RBM33: variants seen among roughly 807,000 people sequenced by gnomAD.
The protein encoded by RBM33 is RNA binding motif protein 33.
RBM33 carries 28 observed loss-of-function variants against 132.6 expected under a neutral mutation model. That is an observed-to-expected ratio of 0.21 (90% CI 0.16 to 0.29). RBM33 has a LOEUF of 0.29. RBM33 is among the 10% of genes least tolerant of loss of function. RBM33 has a pLI of 1.00. For missense variants in RBM33, 1,291 were observed against 1,518.5 expected (o/e 0.85, Z 2.49); for synonymous variants, 634 against 593.0 (o/e 1.07, Z -1.01).
At chr7:155,723,528 A>G (rs1360201470) in intron 9 of RBM33, among the ~76,000 whole-genome samples, 1 of 152,240 alleles carries the variant, frequency 6.6e-6, no homozygotes, top group South Asian at 2.1e-4. Context: ...ATTACCATAC[A>G]TTATCATACC....
chr7:155,696,645 A>G (rs1396920335), intron 5 of RBM33, among the ~76,000 whole-genome samples: 3 of 152,128 alleles, frequency 2.0e-5, no homozygotes, highest in East Asian at 1.9e-4. Context: ...TTTTGCATCT[A>G]TTGAGATAAT....
intron 1 of RBM33, among the ~76,000 whole-genome samples, chr7:155,660,143 G>A (rs1342527613): frequency 1.3e-5 from 2 of 152,164 alleles, no homozygotes. Flanking sequence ...AGTCATAGCT[G>A]ACTGACTACA....
At chr7:155,655,534 C>CTTTTTTTTTTTTT (rs756948005) in intron 1 of RBM33, among the ~76,000 whole-genome samples, 13 of 80,112 alleles carry the variant, frequency 1.6e-4, no homozygotes, top group Admixed American at 1.6e-4. Flanking sequence ...GGCTGTTTGC[C>CTTTTTTTTTTTTT]TTTTTTTTTT....
intron 7 of RBM33, among the ~76,000 whole-genome samples, chr7:155,710,102 C>T (rs1362962803): frequency 1.3e-5 from 2 of 152,120 alleles, no homozygotes; most frequent in East Asian, 1.9e-4. Context: ...TACGTGTTGT[C>T]TCTGTGGCAT....
At chr7:155,698,037 GTAGCT>G (rs1799847267) in intron 5 of RBM33, among the ~76,000 whole-genome samples, 1 of 152,180 alleles carries the variant, frequency 6.6e-6, no homozygotes, top group African/African-American at 2.4e-5. Flanking sequence ...TCAGTGGAAT[GTAGCT>G]TGTCAATGGC....
chr7:155,673,375 A>C (rs1430775457), intron 3 of RBM33, among the ~76,000 whole-genome samples: 1 of 151,074 alleles, frequency 6.6e-6, no homozygotes, highest in Non-Finnish European at 1.5e-5. Flanking sequence ...TGATGAAATA[A>C]AAAATTTGTA....
chr7:155,748,292 C>T (rs768598426), intron 14 of RBM33, among the ~76,000 whole-genome samples: 18 of 152,204 alleles, frequency 1.2e-4, no homozygotes, highest in Non-Finnish European at 2.2e-4. Context: ...ACTAGTGTAA[C>T]TAAATCTAAT....
chr7:155,745,847 A>G lies in RBM33; in HGVS notation c.2979+245A>G. 1.9e-6 allele frequency: 1 copy of G among 513,888 alleles called. No homozygotes were observed. Among genetic ancestry groups the G allele is most frequent in the Non-Finnish European group, 3.5e-6 (1 of 286,752 alleles). The allele number at this position is 513,888 out of a possible 1,614,324, so 31.8% of individuals were successfully genotyped here. On this transcript the variant is annotated intron_variant, in intron 14 of 17. Coordinates refer to ENST00000401878, the MANE Select transcript of RBM33 (RefSeq NM_053043.3). The surrounding 1 kb of genome is among the most constrained non-coding windows in gnomAD (Gnocchi z 4.1). ...TGCTAGAATGTACTTCCATACACAG[A>G]CGGTACAGCCTGCTGCACACCTAGG...
In RBM33 at chr7:155,742,056, C is replaced by G; in HGVS notation, c.2287C>G (p.Pro763Ala). 1 of 1,613,964 alleles carries G rather than the reference C, an allele frequency of 6.2e-7. No homozygotes were observed. Among genetic ancestry groups the G allele is most frequent in the African/African-American group, 1.3e-5 (1 of 75,036 alleles). Residue 763 changes from proline to alanine, a missense_variant, in exon 13 of 18, where the codon CCA (proline) becomes GCA (alanine). Transcript: ENST00000401878. ...SQGKTEVKVK[P>A]ASPVAQPKEE... Reference sequence around the variant, plus strand: ...GGGAAAGACGGAAGTGAAAGTCAAGCCAGCTAGCCCTGTGGCTCAACCTAA... The same window carrying G: ...GGGAAAGACGGAAGTGAAAGTCAAGGCAGCTAGCCCTGTGGCTCAACCTAA...
chr7:155,748,910 T>G (rs1197882245), intron 14 of RBM33, among the ~76,000 whole-genome samples: 1 of 152,222 alleles, frequency 6.6e-6, no homozygotes, highest in Admixed American at 6.5e-5. Flanking sequence ...GAAAAGTGAC[T>G]ATGCAGATTC....
At chr7:155,706,281 C>T (rs963602255) in intron 6 of RBM33, among the ~76,000 whole-genome samples, 2 of 152,130 alleles carry the variant, frequency 1.3e-5, no homozygotes, top group Non-Finnish European at 2.9e-5. Flanking sequence ...TGCCTGAACT[C>T]GGGAGTTCGG....
At chr7:155,759,032 G>T (rs1434352103) in intron 14 of RBM33, among the ~76,000 whole-genome samples, 5 of 152,346 alleles carry the variant, frequency 3.3e-5, no homozygotes, top group Middle Eastern at 3.4e-3. Flanking sequence ...GTCTCTGTCT[G>T]CAGGGACTGT....
chr7:155,771,533 G>A lies in RBM33; in HGVS notation c.3376-3026G>A, dbSNP rs62482830. 3.5e-3 allele frequency among the ~76,000 whole-genome samples: 529 copies of A among 152,178 alleles called. 2 individuals are homozygous for A. The highest frequency in any genetic ancestry group is 6.1e-3 in the Non-Finnish European group (414 of 68,010). On this transcript the variant is annotated intron_variant, in intron 16 of 17. Coordinates refer to ENST00000401878, the MANE Select transcript of RBM33 (RefSeq NM_053043.3). ...CACTGGAAGTTAATGCTTTCTTCAC[G>A]GATAGCTTCTCAATCAAATCGAGGT... is the stretch of plus-strand genomic sequence containing the variant.
chr7:155,728,965 G>A (rs1387625583), intron 9 of RBM33, among the ~76,000 whole-genome samples: 1 of 152,192 alleles, frequency 6.6e-6, no homozygotes, highest in African/African-American at 2.4e-5. Flanking sequence ...GACAGCATGT[G>A]TATTAGTCTG....
At position 155,738,217 on chromosome 7, in the gene RBM33, A is replaced by T; in HGVS notation, c.1551A>T (p.Gly517=). Residue 517 remains glycine (G), a synonymous_variant, in exon 11 of 18, where the codon GGA becomes GGT. Coordinates refer to ENST00000401878, the MANE Select transcript of RBM33 (RefSeq NM_053043.3). ...CAGGACCAGCATTTAATCAGCAAGGACAGCAGCCAGTGTTCCCAAGAGAGC... is the reference window on the plus strand; with the variant it reads ...CAGGACCAGCATTTAATCAGCAAGGTCAGCAGCCAGTGTTCCCAAGAGAGC... The part of the protein sequence containing the change: ...TQPGPAFNQQ[G]QQPVFPRERP... 1.2e-6 allele frequency: 2 copies of T among 1,613,978 alleles called. 1 individual carries two copies. The highest frequency in any genetic ancestry group is 2.2e-5 in the South Asian group (2 of 91,076).
At position 155,686,698 on chromosome 7, in the gene RBM33, C is replaced by T. The variant is rs182339554; in HGVS notation, c.567+5790C>T. Among the ~76,000 whole-genome samples, 11 of 151,908 alleles carry T rather than the reference C, an allele frequency of 7.2e-5. No individual in the cohort carries two copies. The East Asian group carries it at 1.9e-3, about 27-fold the overall frequency. On this transcript the variant is annotated intron_variant, in intron 5 of 17. Transcript: ENST00000401878. Reference sequence around the variant, plus strand: ...CCTGTGTCCAAGTGTTCTCATTGTTCAGTTCCCACCTATGAGTGAGAACAT... The same window carrying T: ...CCTGTGTCCAAGTGTTCTCATTGTTTAGTTCCCACCTATGAGTGAGAACAT...
chr7:155,658,716 C>G (rs887333025), intron 1 of RBM33, among the ~76,000 whole-genome samples: 1 of 152,108 alleles, frequency 6.6e-6, no homozygotes, highest in Non-Finnish European at 1.5e-5. Context: ...TGTTTTTAAT[C>G]CTCTCTGCCA....
chr7:155,733,349 C>G lies in RBM33; in HGVS notation c.1261-4181C>G, dbSNP rs572276886. 5.3e-5 allele frequency among the ~76,000 whole-genome samples: 8 copies of G among 152,226 alleles called. 1 individual carries two copies. The highest frequency in any genetic ancestry group is 6.8e-3 in the Middle Eastern group (2 of 294). On this transcript the variant is annotated intron_variant, in intron 9 of 17. Coordinates refer to ENST00000401878, the MANE Select transcript of RBM33 (RefSeq NM_053043.3). ...TCCCCCCACTGCGTTTTTATTATGT[C>G]GTGAATAAAATGAACCCTTGCAGAA...
rs1170893782 is a variant in RBM33, at chr7:155,775,106, C to T, written c.*65C>T. The T allele has an allele frequency of 1.8e-5, 26 of 1,436,236 alleles. No individual in the cohort carries two copies. Among genetic ancestry groups the T allele is most frequent in the African/African-American group, 2.8e-5 (2 of 71,322 alleles). The allele number at this position is 1,436,236 out of a possible 1,614,324, so 89.0% of individuals were successfully genotyped here. On this transcript the variant is annotated 3_prime_UTR_variant, in exon 18 of 18. Transcript: ENST00000401878. ...TGTGGAATTTCTTCAAGGGAGCTGC[C>T]GGCCGGCGCAGAACCCCCAGGAGCA...
Sources: gnomAD v4.1 joint callset for allele counts (sites outside exome capture counted in the v4.1 genomes callset) on GRCh38, gnomAD v4.1.1 for gene constraint, Gnocchi (gnomAD v3.1) non-coding constraint, MANE v1.5 for transcripts, NCBI Gene and HGNC (gene_info 2026-07-23, HGNC 2026-07-21) for gene names.